The following CACNA1B variants were observed in gnomAD, a reference collection of about 807,000 sequenced individuals.
CACNA1B encodes the protein calcium voltage-gated channel subunit alpha1 B.
In CACNA1B, 70 loss-of-function variants were observed where a neutral mutation model predicts 247.2. The observed-to-expected ratio is 0.28, with a 90% CI of 0.23 to 0.35. The LOEUF (loss-of-function observed/expected upper bound fraction) is 0.35, where lower values mean the gene tolerates loss of function less well. CACNA1B is among the 10% of genes least tolerant of loss of function. The probability of loss-of-function intolerance (pLI) is 1.00; values close to 1 mark genes in which losing one functional copy is unlikely to be tolerated. For synonymous variants in CACNA1B, 1,231 were observed against 1,294.4 expected (o/e 0.95, Z 1.05); for missense variants, 2,367 against 3,197.4 (o/e 0.74, Z 6.26).
At chr9:137,892,401 G>A (rs1304305348) in intron 3 of CACNA1B, 2 of 454,420 alleles carry the variant, frequency 4.4e-6, no homozygotes, top group Non-Finnish European at 8.8e-6. Context: ...CCAGGCCTGC[G>A]GGGTCCACTG....
chr9:137,981,204 C>T (rs1958289827), intron 12 of CACNA1B, among the ~76,000 whole-genome samples: 1 of 152,192 alleles, frequency 6.6e-6, no homozygotes, highest in Non-Finnish European at 1.5e-5. Flanking sequence ...GATGATATCT[C>T]ACTGTGGTTT....
intron 20 of CACNA1B, among the ~76,000 whole-genome samples, chr9:138,038,444 G>C (rs1435569353): frequency 6.6e-6 from 1 of 152,176 alleles, no homozygotes; most frequent in South Asian, 2.1e-4. Flanking sequence ...CCTGTACTCT[G>C]GTGGCCTTTG....
intron 6 of CACNA1B, among the ~76,000 whole-genome samples, chr9:137,920,516 A>C (rs1957465561): frequency 6.6e-6 from 1 of 152,198 alleles, no homozygotes; most frequent in African/African-American, 2.4e-5. Flanking sequence ...TCAACTGCCG[A>C]GTTGAAACTG....
intron 20 of CACNA1B, among the ~76,000 whole-genome samples, chr9:138,041,471 TTAAG>T (rs1439145178): frequency 1.3e-5 from 2 of 152,244 alleles, no homozygotes; most frequent in African/African-American, 4.8e-5. Context: ...TTTTTAACTA[TTAAG>T]TCTTTTTAAA....
At chr9:138,008,642 C>T (rs1334372027) in intron 16 of CACNA1B, among the ~76,000 whole-genome samples, 4 of 152,252 alleles carry the variant, frequency 2.6e-5, no homozygotes, top group Non-Finnish European at 5.9e-5. Context: ...AGCTGCTATT[C>T]GGCCTGGCAG....
chr9:138,023,544 G>A lies in CACNA1B; in HGVS notation c.2801G>A (p.Arg934His). The change falls in exon 19 of 47, where the codon CGC becomes CAC. Residue 934 changes from arginine to histidine, a missense_variant. Arg to His is a conservative substitution (Grantham distance 29). This residue lies in a region of CACNA1B where 631 missense variants were observed against 631.1 expected (regional missense o/e 1.00). Transcript: ENST00000371372. Reference sequence around the variant, plus strand: ...GAGGCGGCCGAGCGGGAGCCCCGACGCCACCGCGCGCACCGGCACCAGGAT... The same window carrying A: ...GAGGCGGCCGAGCGGGAGCCCCGACACCACCGCGCGCACCGGCACCAGGAT... Reference protein sequence around the residue: ...PEEAAEREPRRHRAHRHQDPS... With the variant: ...PEEAAEREPRHHRAHRHQDPS... 5 of 1,082,702 alleles carry A rather than the reference G, an allele frequency of 4.6e-6. No individual in the cohort carries two copies. Among genetic ancestry groups the A allele is most frequent in the Non-Finnish European group, 5.6e-6 (5 of 889,714 alleles). The allele number at this position is 1,082,702 out of a possible 1,614,324, so 67.1% of individuals were successfully genotyped here. A position where few individuals can be genotyped will look rare whatever the true frequency, so the allele number is the denominator to read the frequency against.
chr9:138,121,353 G>A lies in CACNA1B; in HGVS notation c.6490-116G>A. ...TCACCGCAGCCCGTTGTCCCCCATT[G>A]CCTCCCTCTCTCCTCCCATCCCCCC... On this transcript the variant is annotated intron_variant, in intron 46 of 46. Transcript: ENST00000371372. This position sits in a 1 kb window ranked among gnomAD's most constrained non-coding sequence, Gnocchi z 6.8. 2 of 763,146 alleles carry A rather than the reference G, an allele frequency of 2.6e-6. No homozygotes were observed. The highest frequency in any genetic ancestry group is 2.0e-6 in the Non-Finnish European group (1 of 495,352). 47.3% of individuals were successfully genotyped at this position (763,146 alleles called of 1,614,324 possible).
At chr9:138,023,886 C>T (rs1235160087) in intron 19 of CACNA1B, 75 bp downstream of exon 19, 6 of 743,402 alleles carry the variant, frequency 8.1e-6, no homozygotes, top group Non-Finnish European at 1.4e-5. Context: ...GTGGCTGCGG[C>T]CATGGGGTCC....
rs939256408 is a variant in CACNA1B, at chr9:138,072,019, C to T, written c.4675-1469C>T. 2.0e-5 allele frequency among the ~76,000 whole-genome samples: 3 copies of T among 152,070 alleles called. No homozygotes were observed. The highest frequency in any genetic ancestry group is 4.4e-5 in the Non-Finnish European group (3 of 68,024). On this transcript the variant is annotated intron_variant, in intron 32 of 46. Coordinates refer to ENST00000371372, the MANE Select transcript of CACNA1B (RefSeq NM_000718.4). The surrounding 1 kb of genome is among the most constrained non-coding windows in gnomAD (Gnocchi z 4.5). Reference sequence around the variant, plus strand: ...CTGTGGGTCCTCGTGGCCCAGAGTTCTTGGCCATCTTGTCTACCGTGGAGA... The same window carrying T: ...CTGTGGGTCCTCGTGGCCCAGAGTTTTTGGCCATCTTGTCTACCGTGGAGA...
chr9:138,118,542 T>G, intron 43 of CACNA1B, 110 bp from the exon 44 acceptor site: 1 of 614,256 alleles, frequency 1.6e-6, no homozygotes, highest in Non-Finnish European at 2.9e-6. Context: ...TAGGTGAGAC[T>G]GAGATGGATT....
At chr9:138,017,593 G>A (rs960856939) in intron 18 of CACNA1B, among the ~76,000 whole-genome samples, 2 of 152,186 alleles carry the variant, frequency 1.3e-5, no homozygotes, top group Non-Finnish European at 2.9e-5. Flanking sequence ...TGCTCTTTAG[G>A]GGCTCACTGG....
intron 36 of CACNA1B, among the ~76,000 whole-genome samples, chr9:138,082,634 G>A (rs1960561054): frequency 6.6e-6 from 1 of 151,168 alleles, no homozygotes; most frequent in African/African-American, 2.4e-5. Context: ...AAATATATAA[G>A]GAGGCAGCTT....
chr9:138,041,885 G>C (rs141302133), intron 20 of CACNA1B, among the ~76,000 whole-genome samples: 1 of 152,058 alleles, frequency 6.6e-6, no homozygotes, highest in Non-Finnish European at 1.5e-5. Context: ...CTCTGGAGTC[G>C]CTGGAACTGT....
intron 35 of CACNA1B, among the ~76,000 whole-genome samples, chr9:138,077,697 C>G (rs1210230466): frequency 6.6e-6 from 1 of 152,148 alleles, no homozygotes; most frequent in Admixed American, 6.5e-5. Flanking sequence ...GGCAGATGAT[C>G]TGATGAACAG....
Position 138,087,184 on chromosome 9 carries a change from G to A in CACNA1B, c.5094+8926G>A, listed in dbSNP as rs887109702. ...GCAGATCATTTGAGGTCAGGAGTTC[G>A]AGACCAGCCTGGCTAACATGGTGAA... is the stretch of plus-strand genomic sequence containing the variant. On this transcript the variant is annotated intron_variant, in intron 36 of 46. Coordinates refer to ENST00000371372, the MANE Select transcript of CACNA1B (RefSeq NM_000718.4). Among the ~76,000 whole-genome samples the A allele has an allele frequency of 1.1e-4, 17 of 149,164 alleles. 2 individuals carry two copies. The highest frequency in any genetic ancestry group is 3.0e-4 in the African/African-American group (12 of 39,920).
At position 137,954,664 on chromosome 9, in the gene CACNA1B, G is replaced by C. The variant is rs1429812296; in HGVS notation, c.1071-1034G>C. On this transcript the variant is annotated intron_variant, in intron 7 of 46. Transcript: ENST00000371372. This position sits in a 1 kb window ranked among gnomAD's most constrained non-coding sequence, Gnocchi z 4.1. ...CTGCCTTCCTGTAGATTTGGGACTT[G>C]GGATGCCCAGATGGGAGGGTGCACC... Among the ~76,000 whole-genome samples the C allele has an allele frequency of 6.6e-6, 1 of 152,164 alleles. No homozygotes were observed. Among genetic ancestry groups the C allele is most frequent in the African/African-American group, 2.4e-5 (1 of 41,444 alleles).
chr9:138,059,033 T>C lies in CACNA1B; in HGVS notation c.4474-46T>C, dbSNP rs1411561343. On this transcript the variant is annotated intron_variant, in intron 29 of 46. Transcript: ENST00000371372. This position sits in a 1 kb window ranked among gnomAD's most constrained non-coding sequence, Gnocchi z 4.2. Reference sequence around the variant, plus strand: ...TCATAGTGGTCCCAGATGGGGTGTCTTGGGGCTGCCAAACCCATGGCCAAC... The same window carrying C: ...TCATAGTGGTCCCAGATGGGGTGTCCTGGGGCTGCCAAACCCATGGCCAAC... 1.7e-6 allele frequency: 2 copies of C among 1,197,510 alleles called. No homozygotes were observed. The highest frequency in any genetic ancestry group is 2.4e-5 in the East Asian group (1 of 41,994). The allele number at this position is 1,197,510 out of a possible 1,614,324, so 74.2% of individuals were successfully genotyped here. A position where few individuals can be genotyped will look rare whatever the true frequency, so the allele number is the denominator to read the frequency against.
At chr9:137,903,437 C>T (rs1178970484) in intron 3 of CACNA1B, among the ~76,000 whole-genome samples, 1 of 152,184 alleles carries the variant, frequency 6.6e-6, no homozygotes, top group Non-Finnish European at 1.5e-5. Context: ...TCTGCTTCGA[C>T]TCATACGCAT....
At chr9:138,069,263 T>A (rs775164773) in intron 31 of CACNA1B, among the ~76,000 whole-genome samples, 2 of 152,214 alleles carry the variant, frequency 1.3e-5, no homozygotes, top group Admixed American at 1.3e-4. Context: ...GAGTGTCAGT[T>A]CCCATCCCCA....
Sources: allele counts gnomAD v4.1 joint callset (sites outside exome capture counted in the v4.1 genomes callset), GRCh38; gene constraint gnomAD v4.1.1; regional missense constraint gnomAD v4.1.1; non-coding constraint Gnocchi (gnomAD v3.1); transcripts MANE v1.5; gene names NCBI Gene and HGNC (gene_info 2026-07-23, HGNC 2026-07-21).